The following WDPCP variants were observed in gnomAD, a reference collection of about 807,000 sequenced individuals.
WDPCP encodes the protein WD repeat containing planar cell polarity effector.
Under a neutral mutation model 93.1 loss-of-function variants are expected in WDPCP, and 71 were observed. The ratio of observed to expected loss-of-function variants is 0.76; its 90% CI spans 0.63 to 0.93. WDPCP has a LOEUF of 0.93. WDPCP is among the 40% of genes least tolerant of loss of function. The probability of loss-of-function intolerance (pLI) is 0.00; values close to 1 mark genes in which losing one functional copy is unlikely to be tolerated. For synonymous variants in WDPCP, 315 were observed against 315.0 expected (o/e 1.00, Z 0.00); for missense variants, 844 against 887.4 (o/e 0.95, Z 0.62).
chr2:63,430,063 T>G (rs1193796614), intron 9 of WDPCP, among the ~76,000 whole-genome samples: 1 of 151,386 alleles, frequency 6.6e-6, no homozygotes. Context: ...AACAAAAGTA[T>G]GTCCTTTCTA....
At chr2:63,344,122 A>G (rs758670974) in intron 12 of WDPCP, among the ~76,000 whole-genome samples, 2 of 152,114 alleles carry the variant, frequency 1.3e-5, no homozygotes, top group Non-Finnish European at 2.9e-5. Flanking sequence ...TTTTAATGTT[A>G]TAACTCTGGA....
intron 13 of WDPCP, among the ~76,000 whole-genome samples, chr2:63,264,855 G>T (rs1333838959): frequency 6.6e-6 from 1 of 152,148 alleles, no homozygotes; most frequent in African/African-American, 2.4e-5. Flanking sequence ...AATTTAGGAA[G>T]ACTGAAATCA....
chr2:63,782,740 A>ATGTGTGTGTGTGTGTGTGTG (rs70965143), intron 2 of WDPCP, among the ~76,000 whole-genome samples: 5 of 141,132 alleles, frequency 3.5e-5, no homozygotes, highest in South Asian at 4.7e-4. Context: ...CACAGGCAAC[A>ATGTGTGTGTGTGTGTGTGTG]TGTGTGTGTG....
At chr2:63,328,482 C>A (rs1217951994) in intron 12 of WDPCP, among the ~76,000 whole-genome samples, 5 of 152,158 alleles carry the variant, frequency 3.3e-5, no homozygotes, top group Admixed American at 1.3e-4. Context: ...CAACTCTGGA[C>A]GTGCCGCCTT....
chr2:63,188,005 T>A (rs1451990682), intron 14 of WDPCP, among the ~76,000 whole-genome samples: 6 of 152,210 alleles, frequency 3.9e-5, no homozygotes, highest in Admixed American at 3.9e-4. Flanking sequence ...TTTTAGCACT[T>A]TAATCATCCC....
chr2:63,622,912 C>G, intron 3 of WDPCP: 1 of 1,183,202 alleles, frequency 8.5e-7, no homozygotes, highest in Non-Finnish European at 1.2e-6. Flanking sequence ...CGGGCCAGGC[C>G]GGGGCTCGGC....
At chr2:63,369,355 G>T (rs964623043) in intron 12 of WDPCP, 2 of 455,620 alleles carry the variant, frequency 4.4e-6, no homozygotes, top group African/African-American at 4.0e-5. Flanking sequence ...GCAGGGGACA[G>T]TCTGGAGTTT....
At chr2:63,418,096 C>A (rs1473541285) in intron 9 of WDPCP, among the ~76,000 whole-genome samples, 2 of 152,082 alleles carry the variant, frequency 1.3e-5, no homozygotes, top group African/African-American at 4.8e-5. Context: ...TTTCTGTTAG[C>A]AGATCCTTGC....
intron 6 of WDPCP, among the ~76,000 whole-genome samples, chr2:63,456,406 G>A (rs1698624826): frequency 6.6e-6 from 1 of 152,000 alleles, no homozygotes; most frequent in South Asian, 2.1e-4. Flanking sequence ...AACAGAGTGA[G>A]TGAGATTCTG....
upstream of WDPCP, among the ~76,000 whole-genome samples, chr2:63,831,732 TG>T (rs1671204536): frequency 3.9e-5 from 6 of 152,124 alleles, no homozygotes; most frequent in Non-Finnish European, 8.8e-5. Context: ...ATTTAAATCA[TG>T]GGTAAAAATA....
chr2:63,584,568 T>C (rs904258889), intron 1 of WDPCP, among the ~76,000 whole-genome samples: 3 of 152,060 alleles, frequency 2.0e-5, no homozygotes, highest in African/African-American at 7.2e-5. Flanking sequence ...GTTCTATTCA[T>C]TTTCAATATA....
At chr2:63,748,306 G>A (rs1250113191) in intron 2 of WDPCP, among the ~76,000 whole-genome samples, 3 of 151,664 alleles carry the variant, frequency 2.0e-5, no homozygotes, top group African/African-American at 4.8e-5. Context: ...GGGAATCCTT[G>A]TTTTGTTCCT....
intron 14 of WDPCP, among the ~76,000 whole-genome samples, chr2:63,253,431 C>G (rs543139483): frequency 6.6e-6 from 1 of 152,164 alleles, no homozygotes; most frequent in East Asian, 1.9e-4. Flanking sequence ...ATCAAAAAAA[C>G]TATCAACAAA....
At chr2:63,831,114 C>A (rs1231827918), upstream of WDPCP, among the ~76,000 whole-genome samples, 2 of 152,188 alleles carry the variant, frequency 1.3e-5, no homozygotes, top group African/African-American at 4.8e-5. Flanking sequence ...CTCCTCCTAA[C>A]AACTCCCTCC....
At chr2:63,784,571 AGTGTGTGT>A (rs57680590) in intron 2 of WDPCP, among the ~76,000 whole-genome samples, 5 of 145,646 alleles carry the variant, frequency 3.4e-5, no homozygotes, top group African/African-American at 1.0e-4. Context: ...CTCTAGCTGG[AGTGTGTGT>A]GTGTGTGTGT....
intron 2 of WDPCP, among the ~76,000 whole-genome samples, chr2:63,794,707 T>C (rs1670590820): frequency 6.6e-6 from 1 of 152,220 alleles, no homozygotes; most frequent in African/African-American, 2.4e-5. Flanking sequence ...ATTTCCTTAC[T>C]GTTTAAGCCA....
chr2:63,809,220 G>C (rs1251267016), intron 2 of WDPCP, among the ~76,000 whole-genome samples: 1 of 151,698 alleles, frequency 6.6e-6, no homozygotes, highest in Non-Finnish European at 1.5e-5. Flanking sequence ...GGGCGCCTCT[G>C]CCCGGCTGCC....
chr2:63,745,772 G>A (rs1395982655), intron 2 of WDPCP, among the ~76,000 whole-genome samples: 1 of 152,070 alleles, frequency 6.6e-6, no homozygotes, highest in African/African-American at 2.4e-5. Context: ...CTCCTGATGA[G>A]TATGAGGGAG....
At chr2:63,694,457 T>A (rs1252006692) in intron 2 of WDPCP, among the ~76,000 whole-genome samples, 1 of 152,126 alleles carries the variant, frequency 6.6e-6, no homozygotes, top group Admixed American at 6.6e-5. Flanking sequence ...ATGAAAAAAA[T>A]GATAAAAATA....
Sources: gnomAD v4.1 joint callset for allele counts (sites outside exome capture counted in the v4.1 genomes callset) on GRCh38, gnomAD v4.1.1 for gene constraint, MANE v1.5 for transcripts, NCBI Gene and HGNC (gene_info 2026-07-23, HGNC 2026-07-21) for gene names.